The following COL23A1 variants were observed in gnomAD, a reference collection of about 807,000 sequenced individuals.
COL23A1 encodes the protein collagen type XXIII alpha 1 chain, also known as collagen alpha-1(XXIII) chain.
COL23A1 carries 97 observed loss-of-function variants against 99.3 expected under a neutral mutation model. That is an observed-to-expected ratio of 0.98 (90% confidence interval 0.83 to 1.16). COL23A1 has a LOEUF of 1.16. Among genes scored for constraint, COL23A1 ranks in the 50% most tolerant of loss-of-function variants. COL23A1 has a pLI of 0.00. For missense variants in COL23A1, 762 were observed against 757.4 expected (o/e 1.01, Z -0.07); for synonymous variants, 320 against 308.2 (o/e 1.04, Z -0.40).
intron 2 of COL23A1, among the ~76,000 whole-genome samples, chr5:178,341,127 C>T (rs1281517519): frequency 6.6e-6 from 1 of 152,178 alleles, no homozygotes. Context: ...CCCACTAGGT[C>T]TTCTTTTTTA....
chr5:178,566,454 AC>A (rs1390133795), intron 1 of COL23A1, among the ~76,000 whole-genome samples: 1 of 152,240 alleles, frequency 6.6e-6, no homozygotes, highest in Non-Finnish European at 1.5e-5. Flanking sequence ...GTATGGCATA[AC>A]CTCACTGAAG....
At chr5:178,403,384 GGC>G (rs1267764176) in intron 2 of COL23A1, among the ~76,000 whole-genome samples, 1 of 152,100 alleles carries the variant, frequency 6.6e-6, no homozygotes, top group Non-Finnish European at 1.5e-5. Flanking sequence ...CCCTCAATAT[GGC>G]GCTAAAATGC....
intron 2 of COL23A1, chr5:178,378,294 C>G (rs190806571): frequency 6.6e-6 from 1 of 152,338 alleles, no homozygotes; most frequent in South Asian, 2.1e-4. Context: ...GGAAAATGCA[C>G]ATGTGCACAG....
intron 2 of COL23A1, among the ~76,000 whole-genome samples, chr5:178,531,186 A>G (rs1184066175): frequency 3.3e-5 from 5 of 152,162 alleles, no homozygotes; most frequent in Admixed American, 3.3e-4. Context: ...ATTTTAAGCT[A>G]TGAACTTTTG....
At position 178,310,972 on chromosome 5, in the gene COL23A1, G is replaced by A. The variant is rs1022987529; in HGVS notation, c.362-4053C>T. ...GGAGAAGGGGAAACTGAGGCTGCAA[G>A]GGATAGGACAGGTCTTGCCCACGGA... On this transcript the variant is annotated intron_variant, in intron 2 of 28. Coordinates refer to ENST00000390654, the MANE Select transcript of COL23A1 (RefSeq NM_173465.4). This position sits in a 1 kb window ranked among gnomAD's most constrained non-coding sequence, Gnocchi z 4.3. Among the ~76,000 whole-genome samples, 1 of 152,180 alleles carries A rather than the reference G, an allele frequency of 6.6e-6. No homozygotes were observed. The highest frequency in any genetic ancestry group is 6.5e-5 in the Admixed American group (1 of 15,276).
intron 5 of COL23A1, among the ~76,000 whole-genome samples, chr5:178,284,348 C>G (rs1471754786): frequency 6.6e-6 from 1 of 152,108 alleles, no homozygotes; most frequent in South Asian, 2.1e-4. Context: ...TAAATTAAAA[C>G]AATATTCATA....
chr5:178,353,991 T>A (rs1289057615), intron 2 of COL23A1, among the ~76,000 whole-genome samples: 1 of 150,934 alleles, frequency 6.6e-6, no homozygotes, highest in Admixed American at 6.6e-5. Flanking sequence ...GAGAAAAGAC[T>A]GGATTTACAT....
chr5:178,337,722 G>T (rs570766457), intron 2 of COL23A1, among the ~76,000 whole-genome samples: 11 of 151,968 alleles, frequency 7.2e-5, no homozygotes, highest in African/African-American at 1.2e-4. Flanking sequence ...GACTGAGGCT[G>T]CTCCACAGAC....
At chr5:178,331,759 C>G (rs1198442389) in intron 2 of COL23A1, among the ~76,000 whole-genome samples, 8 of 152,226 alleles carry the variant, frequency 5.3e-5, no homozygotes, top group Non-Finnish European at 1.2e-4. Context: ...TGGGAAATAG[C>G]TGAGCCCAGT....
intron 2 of COL23A1, among the ~76,000 whole-genome samples, chr5:178,356,285 C>G (rs1171056115): frequency 6.6e-6 from 1 of 152,172 alleles, no homozygotes; most frequent in Non-Finnish European, 1.5e-5. Context: ...GTGATGCTGG[C>G]TGCACAATTC....
chr5:178,326,222 C>T (rs78172703), intron 2 of COL23A1, among the ~76,000 whole-genome samples: 71 of 152,302 alleles, frequency 4.7e-4, no homozygotes, highest in African/African-American at 1.3e-3. Context: ...GCCTGCTTGA[C>T]GGCCCCATAG....
chr5:178,243,838 AG>A (rs1764535898), intron 25 of COL23A1, among the ~76,000 whole-genome samples: 1 of 152,180 alleles, frequency 6.6e-6, no homozygotes, highest in Non-Finnish European at 1.5e-5. Flanking sequence ...GAGTCTCCTT[AG>A]CTCCACCCTC....
At chr5:178,393,464 C>T (rs573055225) in intron 2 of COL23A1, among the ~76,000 whole-genome samples, 49 of 152,104 alleles carry the variant, frequency 3.2e-4, no homozygotes, top group African/African-American at 1.1e-3. Context: ...TGCACAACAA[C>T]GTGAATATAC....
At chr5:178,253,465 C>T (rs1364661520) in intron 16 of COL23A1, among the ~76,000 whole-genome samples, 1 of 152,004 alleles carries the variant, frequency 6.6e-6, no homozygotes, top group African/African-American at 2.4e-5. Context: ...AGCCTTCCCC[C>T]AATATGTTTT....
chr5:178,248,204 T>A lies in COL23A1; in HGVS notation c.1200A>T (p.Leu400=). 1 of 1,601,856 alleles carries A rather than the reference T, an allele frequency of 6.2e-7. No homozygotes were observed. Among genetic ancestry groups the A allele is most frequent in the Non-Finnish European group, 8.6e-7 (1 of 1,169,312 alleles). Reference sequence around the variant, plus strand: ...CATACCCCCTTACCAGGCTCTCCTGTAGGCTGTCAGACGCCGACTCCCCCT... The same window carrying A: ...CATACCCCCTTACCAGGCTCTCCTGAAGGCTGTCAGACGCCGACTCCCCCT... ...GEKGESASDS[L]QESLAQLIVE... is the part of the protein sequence containing the mutation. Residue 400 remains leucine, a synonymous_variant, in exon 20 of 29, where the codon CTA becomes CTT. Transcript: ENST00000390654.
In COL23A1 at chr5:178,307,663, G is replaced by A. The variant is rs1396870685; in HGVS notation, c.362-744C>T. ...GGAGACGCTTTGACTCTGGCCGTGG[G>A]AGCAGAGGTCTGAGGCCTCCCTCTC... On this transcript the variant is annotated intron_variant, in intron 2 of 28. Coordinates refer to ENST00000390654, the MANE Select transcript of COL23A1 (RefSeq NM_173465.4). The surrounding 1 kb of genome is among the most constrained non-coding windows in gnomAD (Gnocchi z 4.2). Among the ~76,000 whole-genome samples the A allele has an allele frequency of 3.3e-5, 5 of 152,248 alleles. No homozygotes were observed. The highest frequency in any genetic ancestry group is 9.6e-5 in the African/African-American group (4 of 41,462).
chr5:178,268,579 G>C, intron 7 of COL23A1, 151 bp downstream of exon 7: 1 of 607,022 alleles, frequency 1.6e-6, no homozygotes, highest in Non-Finnish European at 2.7e-6. Flanking sequence ...TAGAAGGTAG[G>C]CACTGTGATT....
At chr5:178,407,826 G>A (rs961858007) in intron 2 of COL23A1, among the ~76,000 whole-genome samples, 5 of 152,130 alleles carry the variant, frequency 3.3e-5, no homozygotes, top group South Asian at 2.1e-4. Flanking sequence ...GAACAGAGCC[G>A]CAGGGACCTG....
intron 7 of COL23A1, among the ~76,000 whole-genome samples, chr5:178,268,063 C>T (rs1756005573): frequency 6.6e-6 from 1 of 152,228 alleles, no homozygotes; most frequent in African/African-American, 2.4e-5. Flanking sequence ...GGGCGGGAAC[C>T]CTGCCTGCCT....
Sources: allele counts gnomAD v4.1 joint callset (sites outside exome capture counted in the v4.1 genomes callset), GRCh38; gene constraint gnomAD v4.1.1; non-coding constraint Gnocchi (gnomAD v3.1); transcripts MANE v1.5; gene names NCBI Gene and HGNC (gene_info 2026-07-23, HGNC 2026-07-21).